Variants in PNPT1 observed in about 807,000 individuals in gnomAD.
PNPT1 encodes the protein polyribonucleotide nucleotidyltransferase 1.
PNPT1 carries 53 observed loss-of-function variants against 119.5 expected under a neutral mutation model. The ratio of observed to expected loss-of-function variants is 0.44; its 90% confidence interval spans 0.36 to 0.56. PNPT1 has a LOEUF of 0.56. Among genes scored for constraint, PNPT1 ranks in the 20% least tolerant of loss-of-function variants. PNPT1 has a pLI of 0.00. For missense variants in PNPT1, 948 were observed against 938.5 expected, an observed-to-expected ratio of 1.01 and a Z score of -0.13; for synonymous variants, 357 against 322.1, an observed-to-expected ratio of 1.11 and a Z score of -1.16.
intron 18 of PNPT1, 52 bp downstream of exon 18, chr2:55,654,848 T>G: frequency 6.5e-7 from 1 of 1,537,472 alleles, no homozygotes; most frequent in Non-Finnish European, 8.9e-7. Context: ...GGCTCATGCC[T>G]GGGATTACAG....
chr2:55,636,827 AAGTC>A (rs1220108756), intron 27 of PNPT1, among the ~76,000 whole-genome samples: 1 of 152,182 alleles, frequency 6.6e-6, no homozygotes, highest in Non-Finnish European at 1.5e-5. Context: ...TGGAAAATGA[AAGTC>A]AGGGGCAAAT....
chr2:55,653,899 T>C (rs1048633389), intron 18 of PNPT1, among the ~76,000 whole-genome samples: 11 of 152,176 alleles, frequency 7.2e-5, no homozygotes, highest in Non-Finnish European at 1.6e-4. Context: ...TTAGTGTCTT[T>C]AGGTTCCTTC....
intron 25 of PNPT1, among the ~76,000 whole-genome samples, chr2:55,642,302 A>C (rs1307600969): frequency 6.6e-6 from 1 of 152,068 alleles, no homozygotes; most frequent in Non-Finnish European, 1.5e-5. Flanking sequence ...TACTAGTAGA[A>C]AATTTGGTTA....
intron 13 of PNPT1, among the ~76,000 whole-genome samples, chr2:55,663,967 C>A (rs957458968): frequency 1.3e-5 from 2 of 151,798 alleles, no homozygotes; most frequent in South Asian, 2.1e-4. Context: ...CCAGCCTGGG[C>A]GACAGAAGGA....
At chr2:55,638,088 G>C (rs544163384) in intron 26 of PNPT1, among the ~76,000 whole-genome samples, 2 of 150,120 alleles carry the variant, frequency 1.3e-5, no homozygotes, top group African/African-American at 4.9e-5. Context: ...GATCACTTGA[G>C]CTCCGGAGTT....
intron 18 of PNPT1, among the ~76,000 whole-genome samples, chr2:55,649,021 A>G (rs1696089562): frequency 1.3e-5 from 2 of 152,292 alleles, no homozygotes; most frequent in South Asian, 2.1e-4. Flanking sequence ...ACCACCATCT[A>G]TAATGTTGAT....
chr2:55,676,070 G>A (rs1028101019), intron 8 of PNPT1, among the ~76,000 whole-genome samples: 1 of 152,044 alleles, frequency 6.6e-6, no homozygotes, highest in African/African-American at 2.4e-5. Context: ...AGACCAGCCT[G>A]GCCAACATGT....
intron 13 of PNPT1, among the ~76,000 whole-genome samples, chr2:55,663,467 C>T (rs977944927): frequency 2.6e-5 from 4 of 152,034 alleles, no homozygotes; most frequent in South Asian, 2.1e-4. Flanking sequence ...AAGAAATAAT[C>T]GATGAAAATT....
At chr2:55,653,736 G>C (rs555614294) in intron 18 of PNPT1, among the ~76,000 whole-genome samples, 13 of 152,002 alleles carry the variant, frequency 8.6e-5, no homozygotes, top group Non-Finnish European at 1.6e-4. Flanking sequence ...TTTTGCTTTG[G>C]CCTGTTTTTA....
At chr2:55,656,984 G>A (rs1696407208) in intron 15 of PNPT1, among the ~76,000 whole-genome samples, 1 of 152,164 alleles carries the variant, frequency 6.6e-6, no homozygotes, top group South Asian at 2.1e-4. Context: ...TACCTTGAAG[G>A]AATATGAATT....
chr2:55,637,504 T>C (rs1695711266), intron 27 of PNPT1, 48 bp downstream of exon 27: 1 of 1,516,120 alleles, frequency 6.6e-7, no homozygotes, highest in Non-Finnish European at 9.1e-7. Context: ...CAATGGAAGC[T>C]TCAAGAACAA....
At chr2:55,690,130 C>T (rs1360409178) in intron 1 of PNPT1, among the ~76,000 whole-genome samples, 3 of 152,174 alleles carry the variant, frequency 2.0e-5, no homozygotes, top group Non-Finnish European at 4.4e-5. Flanking sequence ...ACGAGTTGTA[C>T]ACTTTAAATT....
chr2:55,673,208 A>C (rs1174242560), intron 8 of PNPT1, 129 bp from the exon 9 acceptor site: 6 of 670,616 alleles, frequency 8.9e-6, no homozygotes, highest in South Asian at 2.8e-5. Flanking sequence ...ATCCACCTTG[A>C]TTTCTTTCCT....
At chr2:55,685,194 G>A (rs1697363509) in intron 3 of PNPT1, 146 bp from the exon 4 acceptor site, 3 of 565,324 alleles carry the variant, frequency 5.3e-6, no homozygotes, top group Admixed American at 4.1e-5. Flanking sequence ...TGTATCTTTT[G>A]GGGAGAGGAA....
chr2:55,659,844 T>G (rs976976579), intron 15 of PNPT1, among the ~76,000 whole-genome samples: 1 of 152,210 alleles, frequency 6.6e-6, no homozygotes, highest in Non-Finnish European at 1.5e-5. Context: ...GATATATGGA[T>G]AGTCACTGTA....
intron 18 of PNPT1, among the ~76,000 whole-genome samples, chr2:55,649,547 CT>C (rs1350569092): frequency 6.6e-6 from 1 of 152,190 alleles, no homozygotes; most frequent in African/African-American, 2.4e-5. Flanking sequence ...AACAATCTCC[CT>C]GTCTGGCTTC....
At chr2:55,648,498 T>A (rs1367309617) in intron 18 of PNPT1, among the ~76,000 whole-genome samples, 1 of 152,146 alleles carries the variant, frequency 6.6e-6, no homozygotes, top group Non-Finnish European at 1.5e-5. Context: ...TATTAATTCT[T>A]GTCAAATCTT....
rs747869391 is a variant in PNPT1, at chr2:55,654,920, C to T, written c.1475G>A (p.Ser492Asn). Residue 492 changes from serine to asparagine, a missense_variant, in exon 18 of 28, where the codon AGT becomes AAT. Physicochemically the swap from Ser to Asn is conservative, Grantham distance 46. Coordinates refer to ENST00000447944, the MANE Select transcript of PNPT1 (RefSeq NM_033109.5). ...TTTACCTGAATCCATTAATGCTAAA[C>T]TTCCGCCACATGCAGATGCCATAGA... Reference protein sequence around the residue: ...SSSMASACGGSLALMDSGVPI... With the variant: ...SSSMASACGGNLALMDSGVPI... The T allele has an allele frequency of 1.2e-6, 2 of 1,613,384 alleles. No homozygotes were observed. Among genetic ancestry groups the T allele is most frequent in the Admixed American group, 3.3e-5 (2 of 59,978 alleles).
At chr2:55,643,238 G>C in intron 24 of PNPT1, 25 bp from the exon 25 acceptor site, 2 of 1,613,992 alleles carry the variant, frequency 1.2e-6, no homozygotes, top group Non-Finnish European at 1.7e-6. Context: ...TAAGCCATAA[G>C]ATTCATAAAG....
Sources: allele counts gnomAD v4.1 joint callset (sites outside exome capture counted in the v4.1 genomes callset), GRCh38; gene constraint gnomAD v4.1.1; transcripts MANE v1.5; gene names NCBI Gene and HGNC (gene_info 2026-07-23, HGNC 2026-07-21).